Variants in CANX observed in about 807,000 individuals in gnomAD.
CANX encodes calnexin.
CANX carries 14 observed loss-of-function variants against 75.7 expected under a neutral mutation model. The ratio of observed to expected loss-of-function variants is 0.19; its 90% CI spans 0.12 to 0.29. The LOEUF is 0.29. CANX is among the 10% of genes least tolerant of loss of function. CANX has a pLI of 1.00. For missense variants in CANX, 567 were observed against 713.2 expected (o/e 0.79, Z 2.34); for synonymous variants, 227 against 236.9 (o/e 0.96, Z 0.38).
chr5:179,709,368 T>G (rs1286993590), intron 6 of CANX, among the ~76,000 whole-genome samples: 2 of 151,562 alleles, frequency 1.3e-5, no homozygotes, highest in East Asian at 1.9e-4. Flanking sequence ...GAGCCGAGAT[T>G]GCGCCACTGC....
chr5:179,684,309 C>G (rs915874145), intron 1 of CANX, among the ~76,000 whole-genome samples: 10 of 151,846 alleles, frequency 6.6e-5, no homozygotes, highest in African/African-American at 2.2e-4. Flanking sequence ...TCTCAGACTC[C>G]TGGGCTCAAG....
chr5:179,688,085 G>C (rs1776221499), intron 1 of CANX, among the ~76,000 whole-genome samples: 1 of 148,184 alleles, frequency 6.7e-6, no homozygotes, highest in Admixed American at 6.8e-5. Context: ...TTAAGATGGA[G>C]TGTCGCTCTG....
chr5:179,722,482 C>T (rs989710424), intron 10 of CANX, among the ~76,000 whole-genome samples: 2 of 152,126 alleles, frequency 1.3e-5, no homozygotes, highest in East Asian at 1.9e-4. Context: ...TGAAGAAGTA[C>T]GTACTGACTT....
intron 1 of CANX, among the ~76,000 whole-genome samples, chr5:179,691,344 CTG>C (rs1562440846): frequency 1.3e-5 from 2 of 152,018 alleles, no homozygotes; most frequent in African/African-American, 2.4e-5. Flanking sequence ...TTAAACAACA[CTG>C]TGTGGCTGGT....
At chr5:179,715,026 A>G (rs1777837051) in intron 7 of CANX, among the ~76,000 whole-genome samples, 1 of 152,124 alleles carries the variant, frequency 6.6e-6, no homozygotes, top group African/African-American at 2.4e-5. Flanking sequence ...TAGCCTCCCA[A>G]AGTGCTGGGA....
chr5:179,721,491 C>A (rs1778309957), intron 10 of CANX, among the ~76,000 whole-genome samples: 1 of 152,232 alleles, frequency 6.6e-6, no homozygotes, highest in African/African-American at 2.4e-5. Flanking sequence ...AGGGTTGCTT[C>A]AGCCATAGGA....
chr5:179,719,879 T>G, intron 9 of CANX, 98 bp downstream of exon 9: 1 of 692,710 alleles, frequency 1.4e-6, no homozygotes, highest in Non-Finnish European at 2.5e-6. Flanking sequence ...TGGAGTTCAG[T>G]GGCGCAGTTT....
rs1396698836 is a variant in CANX at position 179,705,914 on chromosome 5, C to T, written c.171+62C>T. On this transcript the variant is annotated intron_variant, in intron 2 of 14. Coordinates refer to ENST00000247461, the MANE Select transcript of CANX (RefSeq NM_001746.4). The stretch of plus-strand genomic sequence containing the variant: ...TTGAGATGATAAAATTATGAAGATA[C>T]CCGGGTGCAGGGAAATGTAGTCTCA... 23 of 1,425,140 alleles carry T rather than the reference C, an allele frequency of 1.6e-5. No individual in the cohort carries two copies. In the Admixed American group the frequency reaches 2.1e-4, roughly 13 times the overall value. 88.3% of individuals were successfully genotyped at this position (1,425,140 alleles called of 1,614,324 possible). A position where few individuals can be genotyped will look rare whatever the true frequency, so the allele number is the denominator to read the frequency against.
rs540646681 is a variant in CANX, at chr5:179,730,505, C to A, written c.*1861C>A. 1 of 152,310 alleles carries A rather than the reference C, an allele frequency of 6.6e-6. No homozygotes were observed. Among genetic ancestry groups the A allele is most frequent in the South Asian group, 2.1e-4 (1 of 4,824 alleles). 9.4% of individuals were successfully genotyped at this position (152,310 alleles called of 1,614,324 possible). ...TTGAAGCAAATGTGTGGGATCATTG[C>A]ATTTCCAGAAATCTGCCTCCTTCAC... On this transcript the variant is annotated 3_prime_UTR_variant, in exon 15 of 15. Coordinates refer to ENST00000247461, the MANE Select transcript of CANX (RefSeq NM_001746.4).
At chr5:179,695,491 G>A (rs566196604), upstream of CANX, among the ~76,000 whole-genome samples, 160 of 151,604 alleles carry the variant, frequency 1.1e-3, 3 homozygotes, top group African/African-American at 3.5e-3. Flanking sequence ...CACCATGCCC[G>A]GCTAATTTTG....
In CANX at chr5:179,716,283, G is replaced by A; in HGVS notation, c.900G>A (p.Lys300=). 1.5e-5 allele frequency: 24 copies of A among 1,613,722 alleles called. No individual in the cohort carries two copies. Among genetic ancestry groups the A allele is most frequent in the Non-Finnish European group, 2.0e-5 (24 of 1,179,714 alleles). The change falls in exon 8 of 15, where the codon AAG becomes AAA. Residue 300 remains lysine, a synonymous_variant. Transcript: ENST00000247461. ...RPKIPDPEAV[K]PDDWDEDAPA... ...AAATCCCAGATCCAGAAGCTGTCAA[G>A]CCAGATGACTGGTGAGTCTTGGGGA... is the stretch of plus-strand genomic sequence containing the variant.
chr5:179,706,891 A>C (rs1352098523), intron 3 of CANX, among the ~76,000 whole-genome samples: 1 of 152,102 alleles, frequency 6.6e-6, no homozygotes, highest in Non-Finnish European at 1.5e-5. Flanking sequence ...TGAGGAAAAA[A>C]ATTTTCTCTT....
Position 179,722,911 on chromosome 5 carries a change from C to T in CANX, c.1290C>T (p.Thr430=). 6.2e-7 allele frequency: 1 copy of T among 1,613,792 alleles called. No individual in the cohort carries two copies. Among genetic ancestry groups the T allele is most frequent in the Non-Finnish European group, 8.5e-7 (1 of 1,179,786 alleles). ...SAIGLELWSM[T]SDIFFDNFII... is the part of the protein sequence containing the mutation. ...TTGGTTTGGAGCTGTGGTCCATGAC[C>T]TCTGACATTTTTTTTGACAACTTTA... The change falls in exon 11 of 15, where the codon ACC becomes ACT. Residue 430 remains threonine, a synonymous_variant. Transcript: ENST00000247461.
At chr5:179,690,868 G>A (rs1776288345) in intron 1 of CANX, among the ~76,000 whole-genome samples, 1 of 151,524 alleles carries the variant, frequency 6.6e-6, no homozygotes, top group Non-Finnish European at 1.5e-5. Context: ...CAGCCTGGGC[G>A]ACAGAGTGAG....
upstream of CANX, chr5:179,698,830 G>T (rs773181581): frequency 3.7e-6 from 3 of 809,438 alleles, no homozygotes; most frequent in Non-Finnish European, 5.0e-6. Context: ...GGGACGGTGC[G>T]TAGAGCGATG....
At chr5:179,723,309 C>T (rs1281260298) in intron 11 of CANX, among the ~76,000 whole-genome samples, 4 of 151,718 alleles carry the variant, frequency 2.6e-5, no homozygotes, top group Non-Finnish European at 4.4e-5. Flanking sequence ...TGTTGAATCT[C>T]GGTTTACACT....
intron 1 of CANX, among the ~76,000 whole-genome samples, chr5:179,685,987 A>C (rs1049132713): frequency 1.3e-5 from 2 of 151,928 alleles, no homozygotes; most frequent in Admixed American, 1.3e-4. Flanking sequence ...CATCGTGCCC[A>C]GCCTCATCCT....
At chr5:179,703,170 C>T (rs1172067230) in intron 1 of CANX, among the ~76,000 whole-genome samples, 2 of 151,964 alleles carry the variant, frequency 1.3e-5, no homozygotes, top group African/African-American at 2.4e-5. Flanking sequence ...GCCTTGGACT[C>T]CCAATGTGCT....
Position 179,728,679 on chromosome 5 carries a change from CCCT to C in CANX, c.*41_*43del. 1 of 1,487,802 alleles carries C rather than the reference CCCT, an allele frequency of 6.7e-7. No individual in the cohort carries two copies. The highest frequency in any genetic ancestry group is 1.4e-5 in the African/African-American group (1 of 72,512). The allele number at this position is 1,487,802 out of a possible 1,614,324, so 92.2% of individuals were successfully genotyped here. On this transcript the variant is annotated 3_prime_UTR_variant, in exon 15 of 15. Transcript: ENST00000247461. ...AAGAGCTTGATCTGTGATTTCTTCT[CCCT>C]CCTCCCCTGCAAGAGTGGTCCTAGG...
Sources: gnomAD v4.1 joint callset for allele counts (sites outside exome capture counted in the v4.1 genomes callset) on GRCh38, gnomAD v4.1.1 for gene constraint, MANE v1.5 for transcripts, NCBI Gene and HGNC (gene_info 2026-07-23, HGNC 2026-07-21) for gene names.